CYP4F22: variants seen among roughly 807,000 people sequenced by gnomAD.
The protein encoded by CYP4F22 is cytochrome P450 family 4 subfamily F member 22.
CYP4F22 carries 37 observed loss-of-function variants against 60.4 expected under a neutral mutation model. The observed-to-expected ratio is 0.61, with a 90% CI of 0.47 to 0.81. The LOEUF (loss-of-function observed/expected upper bound fraction) is 0.81, where lower values mean the gene tolerates loss of function less well. CYP4F22 is among the 30% of genes least tolerant of loss of function. The pLI is 0.00. For missense variants in CYP4F22, 655 were observed against 715.0 expected (o/e 0.92, Z 0.96); for synonymous variants, 258 against 280.5 (o/e 0.92, Z 0.80).
At chr19:15,516,646 A>G in intron 1 of CYP4F22, 1 of 382,836 alleles carries the variant, frequency 2.6e-6, no homozygotes. Context: ...TAAACATTTT[A>G]CTTATAACAC....
intron 4 of CYP4F22, among the ~76,000 whole-genome samples, chr19:15,533,096 C>T (rs1421786624): frequency 1.3e-5 from 2 of 152,208 alleles, no homozygotes; most frequent in African/African-American, 4.8e-5. Context: ...GAGGAGGGCC[C>T]AGCTCCTGTT....
chr19:15,533,845 G>C (rs886507053), intron 4 of CYP4F22, among the ~76,000 whole-genome samples: 3 of 151,912 alleles, frequency 2.0e-5, no homozygotes, highest in African/African-American at 4.8e-5. Flanking sequence ...TCATTTCACT[G>C]TATGGATTTT....
chr19:15,527,265 T>C (rs1971293360), intron 3 of CYP4F22, among the ~76,000 whole-genome samples: 1 of 152,068 alleles, frequency 6.6e-6, no homozygotes, highest in South Asian at 2.1e-4. Flanking sequence ...ACACCCTCCA[T>C]GGCTCCCTAT....
intron 7 of CYP4F22, 91 bp downstream of exon 7, chr19:15,538,084 T>C: frequency 6.3e-7 from 1 of 1,575,636 alleles, no homozygotes. Context: ...ATTAGACAAC[T>C]CTGGCCTATG....
chr19:15,538,098 G>A, intron 7 of CYP4F22, 105 bp downstream of exon 7: 1 of 1,503,814 alleles, frequency 6.6e-7, no homozygotes, highest in East Asian at 2.3e-5. Flanking sequence ...GCCTATGGGA[G>A]CTCTGCCACG....
chr19:15,539,879 T>G (rs896984465), intron 7 of CYP4F22, among the ~76,000 whole-genome samples: 1 of 152,252 alleles, frequency 6.6e-6, no homozygotes, highest in East Asian at 1.9e-4. Flanking sequence ...TGCATTTCTC[T>G]GGTGACCAGT....
intron 8 of CYP4F22, among the ~76,000 whole-genome samples, 180 bp from the exon 9 acceptor site, chr19:15,543,791 A>C (rs1971489568): frequency 6.7e-6 from 1 of 148,220 alleles, no homozygotes; most frequent in Admixed American, 6.9e-5. Flanking sequence ...TGACAGTCGG[A>C]GGCTGCAGTT....
At position 15,511,755 on chromosome 19, in the gene CYP4F22, T is replaced by C. The variant is rs530454291; in HGVS notation, c.-109+3172T>C. Among the ~76,000 whole-genome samples, 3 of 152,272 alleles carry C rather than the reference T, an allele frequency of 2.0e-5. No homozygotes were observed. In the South Asian group the frequency reaches 6.2e-4, roughly 32 times the overall value. ...AGCCCCTGCAGTTCAAGAAGAGGCATGTATCTCGTACCTGGCGTCGGCCTG... is the reference window on the plus strand; with the variant it reads ...AGCCCCTGCAGTTCAAGAAGAGGCACGTATCTCGTACCTGGCGTCGGCCTG... On this transcript the variant is annotated intron_variant, in intron 1 of 13. Coordinates refer to ENST00000269703, the MANE Select transcript of CYP4F22 (RefSeq NM_173483.4).
chr19:15,515,879 A>C (rs1971148791), intron 1 of CYP4F22, among the ~76,000 whole-genome samples: 1 of 151,786 alleles, frequency 6.6e-6, no homozygotes, highest in African/African-American at 2.4e-5. Flanking sequence ...GCCCGCCACC[A>C]CGTCCGGCTA....
chr19:15,528,859 G>A (rs1411692728), intron 3 of CYP4F22, among the ~76,000 whole-genome samples: 1 of 152,178 alleles, frequency 6.6e-6, no homozygotes, highest in East Asian at 1.9e-4. Flanking sequence ...GGTAAAGATA[G>A]CAACAGTAGT....
Position 15,548,340 on chromosome 19 carries a change from A to G in CYP4F22, c.1270+99A>G, listed in dbSNP as rs533214376. 74 of 1,539,490 alleles carry G rather than the reference A, an allele frequency of 4.8e-5. No homozygotes were observed. The African/African-American group carries it at 8.0e-4, about 17-fold the overall frequency. ...TGGCTATGCCTGCCCCAGGTGCACTATCCCTGCAGATGGGATAGCTCTCTG... is the reference window on the plus strand; with the variant it reads ...TGGCTATGCCTGCCCCAGGTGCACTGTCCCTGCAGATGGGATAGCTCTCTG... On this transcript the variant is annotated intron_variant, in intron 11 of 13. Transcript: ENST00000269703.
chr19:15,548,016 T>C (rs1445032120), intron 10 of CYP4F22, 92 bp from the exon 11 acceptor site: 1 of 1,013,464 alleles, frequency 9.9e-7, no homozygotes, highest in Admixed American at 1.9e-5. Flanking sequence ...TGTGTGTGTG[T>C]GTGTGTGTGT....
intron 1 of CYP4F22, among the ~76,000 whole-genome samples, chr19:15,508,958 C>A (rs925187234): frequency 6.6e-6 from 1 of 152,132 alleles, no homozygotes; most frequent in African/African-American, 2.4e-5. Flanking sequence ...AAGCCCCGCC[C>A]TGGGACGCCT....
chr19:15,541,542 G>T (rs114599404), intron 8 of CYP4F22, among the ~76,000 whole-genome samples: 6 of 152,018 alleles, frequency 3.9e-5, no homozygotes, highest in African/African-American at 1.4e-4. Flanking sequence ...GCGGAGGGGG[G>T]GTGGGCAGGG....
Position 15,551,439 on chromosome 19 carries a change from C to A in CYP4F22, c.1564C>A (p.Leu522Ile), listed in dbSNP as rs574635980. 8 of 1,579,450 alleles carry A rather than the reference C, an allele frequency of 5.1e-6. No homozygotes were observed. Among genetic ancestry groups the A allele is most frequent in the Admixed American group, 3.6e-5 (2 of 55,056 alleles). Reference sequence around the variant, plus strand: ...ACTGCGCACGGAGAACGGGCTCTGGCTCAAGGTGGAGCCGCTGCCTCCGCG... The same window carrying A: ...ACTGCGCACGGAGAACGGGCTCTGGATCAAGGTGGAGCCGCTGCCTCCGCG... ...LILRTENGLW[L>I]KVEPLPPRA Residue 522 changes from leucine (L) to isoleucine (I), a missense_variant, in exon 14 of 14, where the codon CTC (leucine) becomes ATC (isoleucine). Transcript: ENST00000269703.
At chr19:15,534,170 C>T (rs1239121027) in intron 4 of CYP4F22, among the ~76,000 whole-genome samples, 4 of 152,176 alleles carry the variant, frequency 2.6e-5, no homozygotes, top group Admixed American at 1.3e-4. Context: ...CATTTACCTA[C>T]GCACGTATTT....
intron 4 of CYP4F22, 120 bp downstream of exon 4, chr19:15,529,973 T>A (rs374542609): frequency 7.0e-7 from 1 of 1,430,866 alleles, no homozygotes; most frequent in East Asian, 2.3e-5. Context: ...GAAGGATGAA[T>A]AAGAGTTTGG....
intron 8 of CYP4F22, among the ~76,000 whole-genome samples, chr19:15,542,544 T>C (rs943089661): frequency 6.6e-6 from 1 of 152,140 alleles, no homozygotes; most frequent in Admixed American, 6.5e-5. Flanking sequence ...CTCAAAAAAT[T>C]TTTTTTTAAA....
chr19:15,541,186 G>C (rs534806027), intron 8 of CYP4F22, among the ~76,000 whole-genome samples: 1 of 152,344 alleles, frequency 6.6e-6, no homozygotes, highest in South Asian at 2.1e-4. Flanking sequence ...TTCTTGGGCT[G>C]CTATTACAAA....
Sources: allele counts gnomAD v4.1 joint callset (sites outside exome capture counted in the v4.1 genomes callset), GRCh38; gene constraint gnomAD v4.1.1; transcripts MANE v1.5; gene names NCBI Gene and HGNC (gene_info 2026-07-23, HGNC 2026-07-21).